OVCH1: variants seen among roughly 807,000 people sequenced by gnomAD.
OVCH1 encodes ovochymase 1.
OVCH1 carries 139 observed loss-of-function variants against 138.4 expected under a neutral mutation model. The ratio of observed to expected loss-of-function variants is 1.00; its 90% confidence interval spans 0.87 to 1.16. The LOEUF is 1.16. OVCH1 is among the 50% of genes most tolerant of loss of function. The pLI is 0.00. For synonymous variants in OVCH1, 453 were observed against 467.8 expected, an observed-to-expected ratio of 0.97 and a Z score of 0.41; for missense variants, 1,367 against 1,357.9, an observed-to-expected ratio of 1.01 and a Z score of -0.11.
chr12:29,410,278 G>A (rs1325997628), downstream of OVCH1, among the ~76,000 whole-genome samples: 1 of 148,604 alleles, frequency 6.7e-6, no homozygotes, highest in Non-Finnish European at 1.5e-5. Flanking sequence ...GCCAGTCTTT[G>A]TCTTTTAATT....
exon 22 of OVCH1, chr12:29,451,569 C>A: frequency 6.2e-7 from 1 of 1,606,766 alleles, no homozygotes; most frequent in South Asian, 1.1e-5. Context: ...AGAGCAACAA[C>A]CTGCAATTCA....
At chr12:29,449,826 A>G (rs1941729970) in intron 22 of OVCH1, among the ~76,000 whole-genome samples, 1 of 152,184 alleles carries the variant, frequency 6.6e-6, no homozygotes, top group South Asian at 2.1e-4. Flanking sequence ...ATATAGACCA[A>G]TGGAAGAGAA....
intron 23 of OVCH1, 61 bp downstream of exon 23, chr12:29,445,217 C>T: frequency 2.0e-6 from 3 of 1,469,408 alleles, no homozygotes; most frequent in Non-Finnish European, 2.8e-6. Context: ...TGGAAATATT[C>T]CTAAATAGAG....
At position 29,427,649 on chromosome 12, in the gene OVCH1, G is replaced by A. The variant is rs908947726; in HGVS notation, c.3328-1C>T. 8.4e-6 allele frequency: 13 copies of A among 1,550,360 alleles called. No individual in the cohort carries two copies. Among genetic ancestry groups the A allele is most frequent in the Non-Finnish European group, 1.1e-5 (13 of 1,146,754 alleles). ...TCCTGGACTTCTCAGCCTCCATACT[G>A]TGAGAAATAAATATTTGTTGTTTGG... On this transcript the variant is annotated splice_acceptor_variant, in intron 27 of 27. Transcript: ENST00000318184. LOFTEE classifies it high-confidence loss of function.
At chr12:29,496,802 A>G in intron 1 of OVCH1, 128 bp from the exon 2 acceptor site, 1 of 648,342 alleles carries the variant, frequency 1.5e-6, no homozygotes, top group Non-Finnish European at 2.6e-6. Flanking sequence ...GCAGACTACC[A>G]CATTCTTCTC....
intron 21 of OVCH1, among the ~76,000 whole-genome samples, chr12:29,454,184 A>G (rs1253184363): frequency 1.3e-5 from 2 of 152,078 alleles, no homozygotes; most frequent in Non-Finnish European, 2.9e-5. Flanking sequence ...ACTAGATCTC[A>G]TCTTCTTTCT....
At chr12:29,409,158 C>G (rs1018968660), downstream of OVCH1, among the ~76,000 whole-genome samples, 5 of 151,072 alleles carry the variant, frequency 3.3e-5, no homozygotes, top group African/African-American at 1.2e-4. Context: ...GGTGATATCC[C>G]CTTTATCATT....
chr12:29,491,241 G>T, intron 4 of OVCH1, 49 bp from the exon 5 acceptor site: 1 of 1,411,912 alleles, frequency 7.1e-7, no homozygotes, highest in Non-Finnish European at 9.9e-7. Flanking sequence ...ACGCCATGTT[G>T]AATATATTTG....
chr12:29,437,857 A>G (rs1941393295), intron 26 of OVCH1, among the ~76,000 whole-genome samples: 1 of 152,200 alleles, frequency 6.6e-6, no homozygotes, highest in Non-Finnish European at 1.5e-5. Context: ...TGGAAAACAG[A>G]AGGCACAGGA....
chr12:29,405,056 A>AC, the OVCH1 span, among the ~76,000 whole-genome samples: 39 of 112,118 alleles, frequency 3.5e-4, no homozygotes, highest in African/African-American at 1.2e-3. Flanking sequence ...AAAAAAAAAA[A>AC]CAAAAGAAAT....
chr12:29,477,288 C>A, intron 11 of OVCH1, 53 bp downstream of exon 11: 1 of 1,613,300 alleles, frequency 6.2e-7, no homozygotes, highest in Non-Finnish European at 8.5e-7. Context: ...TTCTCCTCTT[C>A]CCCACCCACA....
At chr12:29,458,159 C>T (rs1165863652) in intron 19 of OVCH1, among the ~76,000 whole-genome samples, 2 of 152,014 alleles carry the variant, frequency 1.3e-5, no homozygotes, top group African/African-American at 4.8e-5. Context: ...GTATATGGAA[C>T]CACAAAAGAC....
At chr12:29,447,156 A>G (rs1941639911) in intron 22 of OVCH1, among the ~76,000 whole-genome samples, 1 of 152,108 alleles carries the variant, frequency 6.6e-6, no homozygotes, top group Non-Finnish European at 1.5e-5. Flanking sequence ...TGGACAAAAG[A>G]TAATGGCAAT....
chr12:29,435,777 GGCT>G (rs1272092021), intron 26 of OVCH1, among the ~76,000 whole-genome samples: 2 of 152,172 alleles, frequency 1.3e-5, no homozygotes, highest in Non-Finnish European at 1.5e-5. Flanking sequence ...TTGTGAGGCA[GGCT>G]GCTAAATGGT....
At chr12:29,433,180 T>C (rs572990976) in intron 27 of OVCH1, among the ~76,000 whole-genome samples, 1 of 152,346 alleles carries the variant, frequency 6.6e-6, no homozygotes, top group South Asian at 2.1e-4. Context: ...ATGGTTTTGC[T>C]GTGTCCACAC....
At chr12:29,423,237 C>G (rs1306712220), downstream of OVCH1, 1 of 455,774 alleles carries the variant, frequency 2.2e-6, no homozygotes, top group Non-Finnish European at 4.4e-6. Context: ...TCTTAAAATG[C>G]ACAGTCAGGT....
intron 25 of OVCH1, 59 bp downstream of exon 25, chr12:29,443,302 C>G: frequency 6.5e-7 from 1 of 1,528,904 alleles, no homozygotes; most frequent in Non-Finnish European, 8.9e-7. Flanking sequence ...ATGAAACAAT[C>G]TAAACATGTT....
intron 22 of OVCH1, among the ~76,000 whole-genome samples, chr12:29,447,213 T>G (rs1941642003): frequency 6.6e-6 from 1 of 152,068 alleles, no homozygotes; most frequent in South Asian, 2.1e-4. Context: ...GCCAGGAATT[T>G]GGGAGGCTGA....
chr12:29,431,277 A>T (rs1941263108), intron 27 of OVCH1, among the ~76,000 whole-genome samples: 1 of 152,038 alleles, frequency 6.6e-6, no homozygotes, highest in Non-Finnish European at 1.5e-5. Flanking sequence ...TCTACCAAAA[A>T]AAACAAAAGT....
Sources: gnomAD v4.1 joint callset for allele counts (sites outside exome capture counted in the v4.1 genomes callset) on GRCh38, gnomAD v4.1.1 for gene constraint, MANE v1.5 for transcripts, NCBI Gene and HGNC (gene_info 2026-07-23, HGNC 2026-07-21) for gene names.